The following BET1 variants were observed in gnomAD, a reference collection of about 807,000 sequenced individuals.
BET1 encodes the protein Bet1 golgi vesicular membrane trafficking protein.
In BET1, 9 loss-of-function variants were observed where a neutral mutation model predicts 13.9. The observed-to-expected ratio is 0.65, with a 90% confidence interval of 0.39 to 1.13. The LOEUF (loss-of-function observed/expected upper bound fraction) is 1.13, where lower values mean the gene tolerates loss of function less well. Among genes scored for constraint, BET1 ranks in the 50% most tolerant of loss-of-function variants. The pLI, the probability that BET1 is intolerant of heterozygous loss-of-function variation, is 0.01. For missense variants in BET1, 127 were observed against 133.6 expected (o/e 0.95, Z 0.24); for synonymous variants, 39 against 47.3 (o/e 0.82, Z 0.72).
At chr7:93,965,283 A>G (rs1420296296) in exon 7 of BET1, 1 of 152,006 alleles carries the variant, frequency 6.6e-6, no homozygotes, top group African/African-American at 2.4e-5. Flanking sequence ...CTCATTCTAG[A>G]CTAGTTTCTT....
At chr7:93,992,306 A>C, downstream of BET1, 4 of 985,168 alleles carry the variant, frequency 4.1e-6, no homozygotes, top group Non-Finnish European at 4.8e-6. Context: ...GTCCACATTA[A>C]AATTTTTAAA....
chr7:93,992,706 A>G (rs1795661795), downstream of BET1: 20 of 977,998 alleles, frequency 2.0e-5, no homozygotes, highest in South Asian at 9.5e-4. Flanking sequence ...AATGGTAGTG[A>G]GAACCAACAT....
intron 1 of BET1, among the ~76,000 whole-genome samples, chr7:94,003,927 G>C (rs942031056): frequency 2.0e-5 from 3 of 151,660 alleles, no homozygotes; most frequent in Non-Finnish European, 4.4e-5. Flanking sequence ...TAAAACACTC[G>C]ACCACTGAGA....
chr7:93,992,367 C>G (rs935394070), downstream of BET1: 1 of 985,204 alleles, frequency 1.0e-6, no homozygotes, highest in African/African-American at 1.7e-5. Context: ...GAAATCCATC[C>G]TTCTCTTGCC....
intron 4 of BET1, among the ~76,000 whole-genome samples, chr7:93,986,670 C>G (rs1795533304): frequency 1.3e-5 from 2 of 152,166 alleles, no homozygotes; most frequent in Admixed American, 6.5e-5. Flanking sequence ...GAGTGAAATG[C>G]AGACTTCTTG....
In BET1 at chr7:93,994,412, A is replaced by G. The variant is rs764744251; in HGVS notation, c.202-27T>C. The G allele has an allele frequency of 1.1e-5, 17 of 1,599,878 alleles. No individual in the cohort carries two copies. In the South Asian group the frequency reaches 1.8e-4, roughly 17 times the overall value. On this transcript the variant is annotated intron_variant, in intron 3 of 3. Coordinates refer to ENST00000222547, the MANE Select transcript of BET1 (RefSeq NM_005868.6). ...TATCAGAGATAAAGGCAAATAAAAT[A>G]TCACAGTTAGATTCTAAGAGTCTAC...
chr7:93,985,576 A>G (rs1795510957), intron 4 of BET1, among the ~76,000 whole-genome samples: 1 of 152,184 alleles, frequency 6.6e-6, no homozygotes, highest in Non-Finnish European at 1.5e-5. Flanking sequence ...TTCAAACTAA[A>G]CTGTATTGTA....
chr7:94,004,153 C>G, intron 1 of BET1, 45 bp downstream of exon 1: 2 of 1,613,828 alleles, frequency 1.2e-6, no homozygotes, highest in South Asian at 1.1e-5. Flanking sequence ...CCCCAGCGCT[C>G]CCGGTTCTAG....
intron 4 of BET1, among the ~76,000 whole-genome samples, chr7:93,980,145 T>A (rs1795402427): frequency 6.6e-6 from 1 of 152,084 alleles, no homozygotes; most frequent in Admixed American, 6.6e-5. Flanking sequence ...ATCAGAAATC[T>A]CCCAACAAAG....
chr7:93,990,735 A>G (rs986083970), downstream of BET1, among the ~76,000 whole-genome samples: 2 of 152,140 alleles, frequency 1.3e-5, no homozygotes, highest in Admixed American at 1.3e-4. Flanking sequence ...TTATATTTAT[A>G]ATGGGTAATG....
At chr7:93,968,076 C>A (rs1448489689) in intron 6 of BET1, among the ~76,000 whole-genome samples, 6 of 151,740 alleles carry the variant, frequency 4.0e-5, no homozygotes, top group African/African-American at 1.4e-4. Flanking sequence ...GTTATGAGCT[C>A]ACTTCCTCCA....
chr7:93,991,549 C>T (rs1331339385), downstream of BET1: 1 of 155,148 alleles, frequency 6.4e-6, no homozygotes, highest in East Asian at 1.9e-4. Context: ...TTTTACAACA[C>T]AGAAATAAAA....
chr7:93,989,125 T>C (rs527859787), downstream of BET1, among the ~76,000 whole-genome samples: 3 of 151,788 alleles, frequency 2.0e-5, no homozygotes, highest in South Asian at 4.2e-4. Context: ...GCAGTTCTCC[T>C]GTCTCAGCCT....
At chr7:93,989,708 G>A (rs1336234953), downstream of BET1, among the ~76,000 whole-genome samples, 4 of 152,188 alleles carry the variant, frequency 2.6e-5, no homozygotes, top group Admixed American at 6.5e-5. Flanking sequence ...TGGAAATAGG[G>A]TTTATGGCAA....
chr7:93,976,823 C>T (rs1795344312), intron 4 of BET1, among the ~76,000 whole-genome samples: 1 of 152,048 alleles, frequency 6.6e-6, no homozygotes, highest in African/African-American at 2.4e-5. Context: ...TTATCCCTTA[C>T]TACCCTCCCA....
Position 93,994,249 on chromosome 7 carries a change from C to T in BET1, c.338G>A (p.Trp113Ter), listed in dbSNP as rs1795708124. Residue 113 changes from tryptophan (W) to a stop codon, truncating the protein, a stop_gained, in exon 4 of 4, where the codon TGG becomes TAG. Transcript: ENST00000222547. LOFTEE classifies it high-confidence loss of function. ...CATGCATCACCTCAGTTTAATAATC[C>T]AATAAATGATAAAAAAGACAAATAA... Reference protein sequence around the residue: ...FSLFVFFIIYWIIKLR With the variant: ...FSLFVFFIIY 6.2e-7 allele frequency: 1 copy of T among 1,606,484 alleles called. No homozygotes were observed.
chr7:93,966,192 T>C (rs1195884584), intron 6 of BET1, among the ~76,000 whole-genome samples: 1 of 152,004 alleles, frequency 6.6e-6, no homozygotes, highest in African/African-American at 2.4e-5. Context: ...ATTGATTGAT[T>C]GGTCCCAAGT....
At chr7:93,972,222 C>A (rs1163531781) in intron 6 of BET1, among the ~76,000 whole-genome samples, 1 of 151,826 alleles carries the variant, frequency 6.6e-6, no homozygotes, top group Non-Finnish European at 1.5e-5. Context: ...AACAATGTCA[C>A]AACACTGTAA....
rs566051006 is a variant in BET1 at position 93,966,647 on chromosome 7, T to C, written c.*138-960A>G. On this transcript the variant is annotated intron_variant and NMD_transcript_variant, in intron 6 of 6. Transcript: ENST00000357520. ...GGAGATAGGGGAATATACTATCTTC[T>C]AGTCCTTTAGTTCCTTTTGGGAATG... is the stretch of plus-strand genomic sequence containing the variant. Among the ~76,000 whole-genome samples the C allele has an allele frequency of 1.4e-4, 22 of 151,876 alleles. No individual in the cohort carries two copies. The East Asian group carries it at 3.1e-3, about 21-fold the overall frequency.
Sources: gnomAD v4.1 joint callset for allele counts (sites outside exome capture counted in the v4.1 genomes callset) on GRCh38, gnomAD v4.1.1 for gene constraint, MANE v1.5 for transcripts, NCBI Gene and HGNC (gene_info 2026-07-23, HGNC 2026-07-21) for gene names.